The following FSTL5 variants were observed in gnomAD, a reference collection of about 807,000 sequenced individuals.
The protein encoded by FSTL5 is follistatin-related protein 5.
Under a neutral mutation model 89.1 loss-of-function variants are expected in FSTL5, and 62 were observed. That is an observed-to-expected ratio of 0.70 (90% CI 0.57 to 0.86). The LOEUF is 0.86. Among genes scored for constraint, FSTL5 ranks in the 40% least tolerant of loss-of-function variants. The pLI, the probability that FSTL5 is intolerant of heterozygous loss-of-function variation, is 0.00. For missense variants in FSTL5, 1,057 were observed against 1,001.6 expected, an observed-to-expected ratio of 1.06 and a Z score of -0.75; for synonymous variants, 383 against 346.2, an observed-to-expected ratio of 1.11 and a Z score of -1.18.
At chr4:161,743,624 G>A (rs1264025883) in intron 6 of FSTL5, among the ~76,000 whole-genome samples, 1 of 152,034 alleles carries the variant, frequency 6.6e-6, no homozygotes, top group East Asian at 1.9e-4. Context: ...TTAATCTGTA[G>A]ATTACATTGA....
At chr4:161,467,616 G>A (rs1578856003) in intron 13 of FSTL5, among the ~76,000 whole-genome samples, 1 of 152,180 alleles carries the variant, frequency 6.6e-6, no homozygotes, top group East Asian at 1.9e-4. Flanking sequence ...TCTAAAAGAT[G>A]AATGATTTTC....
intron 4 of FSTL5, among the ~76,000 whole-genome samples, chr4:161,820,060 A>G (rs1189751176): frequency 6.6e-5 from 10 of 152,110 alleles, no homozygotes; most frequent in African/African-American, 2.2e-4. Context: ...CATTTGTCCA[A>G]TGATGTTTTC....
At chr4:161,630,674 A>T (rs1735472763) in intron 7 of FSTL5, among the ~76,000 whole-genome samples, 2 of 152,334 alleles carry the variant, frequency 1.3e-5, no homozygotes, top group Middle Eastern at 6.8e-3. Context: ...TATGACTTCA[A>T]ACTACACATG....
intron 15 of FSTL5, among the ~76,000 whole-genome samples, chr4:161,428,341 G>A (rs72681782): frequency 6.6e-6 from 1 of 152,098 alleles, no homozygotes; most frequent in East Asian, 1.9e-4. Flanking sequence ...ATTGGGCTCA[G>A]AGCCAGCAGA....
At chr4:161,970,817 T>A (rs565334763) in intron 3 of FSTL5, among the ~76,000 whole-genome samples, 40 of 152,036 alleles carry the variant, frequency 2.6e-4, no homozygotes, top group African/African-American at 7.7e-4. Context: ...CAAAAAAAAA[T>A]TTTCAATAGA....
chr4:162,050,938 G>A (rs1738358208), intron 2 of FSTL5, among the ~76,000 whole-genome samples: 1 of 151,484 alleles, frequency 6.6e-6, no homozygotes, highest in Admixed American at 6.6e-5. Context: ...AATATACATT[G>A]TAGAGGAGAG....
intron 3 of FSTL5, among the ~76,000 whole-genome samples, chr4:161,950,393 T>C (rs1276675779): frequency 6.6e-6 from 1 of 152,194 alleles, no homozygotes; most frequent in Non-Finnish European, 1.5e-5. Flanking sequence ...CAATTATGCC[T>C]TTGAAGGACT....
intron 7 of FSTL5, among the ~76,000 whole-genome samples, chr4:161,607,436 A>G (rs1000877424): frequency 6.6e-6 from 1 of 152,156 alleles, no homozygotes; most frequent in African/African-American, 2.4e-5. Flanking sequence ...ACTATAAAAT[A>G]CTATAAAACT....
intron 4 of FSTL5, among the ~76,000 whole-genome samples, chr4:161,834,200 A>G (rs932027314): frequency 9.2e-5 from 14 of 152,148 alleles, no homozygotes; most frequent in Non-Finnish European, 1.9e-4. Flanking sequence ...AAAGACAAAA[A>G]CCACATGATT....
At chr4:161,739,123 T>C (rs1739915253) in intron 6 of FSTL5, among the ~76,000 whole-genome samples, 1 of 152,222 alleles carries the variant, frequency 6.6e-6, no homozygotes. Flanking sequence ...ATGTTGAAAT[T>C]CTCATCCCCA....
At chr4:161,956,003 T>A (rs1287479718) in intron 3 of FSTL5, among the ~76,000 whole-genome samples, 1 of 151,840 alleles carries the variant, frequency 6.6e-6, no homozygotes, top group East Asian at 1.9e-4. Context: ...AGAATGAGAA[T>A]CACATGCTAC....
At chr4:162,145,466 T>A (rs893343299) in intron 1 of FSTL5, among the ~76,000 whole-genome samples, 3 of 152,090 alleles carry the variant, frequency 2.0e-5, no homozygotes, top group Non-Finnish European at 4.4e-5. Flanking sequence ...CCTAAAAGTG[T>A]ATTTCTCGTT....
chr4:161,494,722 T>C (rs1730003961), intron 12 of FSTL5, among the ~76,000 whole-genome samples: 1 of 152,128 alleles, frequency 6.6e-6, no homozygotes, highest in Non-Finnish European at 1.5e-5. Flanking sequence ...GTATAAAGTA[T>C]AATGAGTTCA....
intron 3 of FSTL5, among the ~76,000 whole-genome samples, chr4:161,929,522 G>A (rs964566981): frequency 2.0e-5 from 3 of 151,476 alleles, no homozygotes; most frequent in Admixed American, 6.6e-5. Context: ...TTTCAATTGT[G>A]TGATATTTAT....
At position 161,779,759 on chromosome 4, in the gene FSTL5, T is replaced by TTA. The variant is rs1240577419; in HGVS notation, c.410-3687_410-3686dup. On this transcript the variant is annotated intron_variant, in intron 4 of 15. Coordinates refer to ENST00000306100, the MANE Select transcript of FSTL5 (RefSeq NM_020116.5). ...ATTTGTCCAAGGATTATTTGTAAAG[T>TTA]TATATATATATATATGTATATATAT... Among the ~76,000 whole-genome samples, 151 of 31,140 alleles carry TTA rather than the reference T, an allele frequency of 4.8e-3. 20 individuals are homozygous for TTA. The highest frequency in any genetic ancestry group is 5.7e-3 in the Non-Finnish European group (113 of 19,974). The allele number at this position is 31,140 out of a possible 152,430, so 20.4% of individuals were successfully genotyped here.
intron 6 of FSTL5, among the ~76,000 whole-genome samples, chr4:161,711,892 G>A (rs1028578224): frequency 5.3e-5 from 8 of 152,100 alleles, no homozygotes; most frequent in African/African-American, 1.2e-4. Context: ...GACTATCTCC[G>A]TAGATGCCAA....
At chr4:161,880,760 A>G (rs1466890137) in intron 4 of FSTL5, among the ~76,000 whole-genome samples, 1 of 152,158 alleles carries the variant, frequency 6.6e-6, no homozygotes, top group East Asian at 1.9e-4. Flanking sequence ...TTAATTTCAA[A>G]TACTTTATGC....
chr4:161,858,681 C>A (rs1731802315), intron 4 of FSTL5, among the ~76,000 whole-genome samples: 1 of 152,288 alleles, frequency 6.6e-6, no homozygotes, highest in Non-Finnish European at 1.5e-5. Context: ...ATTATATTAG[C>A]TCTGCACTGT....
intron 7 of FSTL5, among the ~76,000 whole-genome samples, chr4:161,636,538 T>G (rs1398065363): frequency 6.6e-6 from 1 of 150,406 alleles, no homozygotes; most frequent in East Asian, 2.0e-4. Flanking sequence ...TGTATACATG[T>G]GCCATGCTGG....
Sources: gnomAD v4.1 joint callset for allele counts (sites outside exome capture counted in the v4.1 genomes callset) on GRCh38, gnomAD v4.1.1 for gene constraint, MANE v1.5 for transcripts, NCBI Gene and HGNC (gene_info 2026-07-23, HGNC 2026-07-21) for gene names.